The following DDHD1 variants were observed in gnomAD, a reference collection of about 807,000 sequenced individuals.
The protein encoded by DDHD1 is DDHD domain containing 1, also known as phospholipase DDHD1.
DDHD1 carries 49 observed loss-of-function variants against 96.4 expected under a neutral mutation model. The observed-to-expected ratio is 0.51, with a 90% CI of 0.40 to 0.64. The LOEUF (loss-of-function observed/expected upper bound fraction) is 0.64, where lower values mean the gene tolerates loss of function less well. DDHD1 is among the 30% of genes least tolerant of loss of function. DDHD1 has a pLI of 0.00. For missense variants in DDHD1, 1,106 were observed against 1,161.2 expected (o/e 0.95, Z 0.69); for synonymous variants, 442 against 446.5 (o/e 0.99, Z 0.13).
intron 1 of DDHD1, among the ~76,000 whole-genome samples, chr14:53,134,488 A>G (rs1463734551): frequency 4.6e-5 from 7 of 151,278 alleles, no homozygotes; most frequent in African/African-American, 7.3e-5. Context: ...CACACTATCA[A>G]TCTCACTCAC....
At chr14:53,080,972 T>C (rs926274978) in intron 4 of DDHD1, among the ~76,000 whole-genome samples, 3 of 152,330 alleles carry the variant, frequency 2.0e-5, no homozygotes, top group South Asian at 2.1e-4. Context: ...AATTTTTTTC[T>C]ATATGCAAAT....
chr14:53,095,884 A>C (rs551790662), intron 2 of DDHD1, among the ~76,000 whole-genome samples: 1 of 152,286 alleles, frequency 6.6e-6, no homozygotes, highest in Admixed American at 6.5e-5. Context: ...TTCCTCTTTA[A>C]ATCATCCATA....
Position 53,045,675 on chromosome 14 carries a change from T to C in DDHD1, c.*1093A>G, listed in dbSNP as rs954929268. The C allele has an allele frequency of 1.3e-5, 2 of 152,170 alleles. No individual in the cohort carries two copies. Among genetic ancestry groups the C allele is most frequent in the Non-Finnish European group, 2.9e-5 (2 of 68,020 alleles). 9.4% of individuals were successfully genotyped at this position (152,170 alleles called of 1,614,324 possible). On this transcript the variant is annotated 3_prime_UTR_variant, in exon 13 of 13. Coordinates refer to ENST00000673822, the MANE Select transcript of DDHD1 (RefSeq NM_001160148.2). ...GGGTTATTGAATGCACTCTTAAACT[T>C]TGAGCCCCTCAGATGAAAAGCACTG...
At chr14:53,058,942 G>A (rs1291841572) in intron 8 of DDHD1, among the ~76,000 whole-genome samples, 1 of 152,090 alleles carries the variant, frequency 6.6e-6, no homozygotes, top group Non-Finnish European at 1.5e-5. Flanking sequence ...AATACACTCG[G>A]TGCTGTGATA....
At chr14:53,124,467 A>G (rs771876555) in intron 1 of DDHD1, among the ~76,000 whole-genome samples, 8 of 152,172 alleles carry the variant, frequency 5.3e-5, no homozygotes, top group Non-Finnish European at 1.0e-4. Context: ...GTTGGATAGT[A>G]GTTAGCAATT....
chr14:53,092,862 G>GA (rs879666568), intron 3 of DDHD1: 105 of 142,468 alleles, frequency 7.4e-4, no homozygotes, highest in Non-Finnish European at 1.1e-3. Flanking sequence ...AATAAAAGAA[G>GA]AAAAAAAAAA....
intron 6 of DDHD1, among the ~76,000 whole-genome samples, chr14:53,066,900 G>C (rs1884067440): frequency 6.6e-6 from 1 of 151,060 alleles, no homozygotes; most frequent in African/African-American, 2.4e-5. Flanking sequence ...CCAGAAGACA[G>C]AGGCTGCAGT....
At chr14:53,103,073 A>T in intron 2 of DDHD1, 1 of 1,559,840 alleles carries the variant, frequency 6.4e-7, no homozygotes. Flanking sequence ...GGAACAATAG[A>T]AGTATTTTTA....
intron 12 of DDHD1, among the ~76,000 whole-genome samples, chr14:53,048,360 TG>T (rs1882218002): frequency 6.7e-6 from 1 of 148,758 alleles, no homozygotes; most frequent in Admixed American, 6.7e-5. Flanking sequence ...TTTTTTGAGA[TG>T]GAGTCTCACA....
rs143361240 is a variant in DDHD1, at chr14:53,113,482, C to G, written c.839-9626G>C. Among the ~76,000 whole-genome samples the G allele has an allele frequency of 2.6e-3, 385 of 150,380 alleles. 2 individuals carry two copies. Among genetic ancestry groups the G allele is most frequent in the African/African-American group, 9.1e-3 (373 of 40,796 alleles). ...CCAAGATGGCCGAATAGGAACAGCT[C>G]TGGTCTGCAGGTCCCAGTGAGACCA... On this transcript the variant is annotated intron_variant, in intron 1 of 12. Transcript: ENST00000673822.
intron 1 of DDHD1, among the ~76,000 whole-genome samples, chr14:53,127,274 C>A (rs932766218): frequency 6.6e-6 from 1 of 152,130 alleles, no homozygotes; most frequent in Non-Finnish European, 1.5e-5. Flanking sequence ...CTGCTCAAAT[C>A]GTGTAAACAG....
In DDHD1 at chr14:53,045,889, ATTTAC is replaced by A. The variant is rs1256401224; in HGVS notation, c.*874_*878del. ...GCTGTCATACTACCTATTCAAAAGCATTTACTAGTTTTCTAATAAAGCTAATGAAA... is the reference window on the plus strand; with the variant it reads ...GCTGTCATACTACCTATTCAAAAGCATAGTTTTCTAATAAAGCTAATGAAA... On this transcript the variant is annotated 3_prime_UTR_variant, in exon 13 of 13. Coordinates refer to ENST00000673822, the MANE Select transcript of DDHD1 (RefSeq NM_001160148.2). 5 of 152,226 alleles carry A rather than the reference ATTTAC, an allele frequency of 3.3e-5. No individual in the cohort carries two copies. Among genetic ancestry groups the A allele is most frequent in the Admixed American group, 6.5e-5 (1 of 15,284 alleles). The allele number at this position is 152,226 out of a possible 1,614,324, so 9.4% of individuals were successfully genotyped here.
chr14:53,043,825 C>G lies in DDHD1; in HGVS notation c.*2943G>C, dbSNP rs1055021522. 6.6e-6 allele frequency: 1 copy of G among 152,064 alleles called. No individual in the cohort carries two copies. The highest frequency in any genetic ancestry group is 2.4e-5 in the African/African-American group (1 of 41,412). 9.4% of individuals were successfully genotyped at this position (152,064 alleles called of 1,614,324 possible). A position where few individuals can be genotyped will look rare whatever the true frequency, so the allele number is the denominator to read the frequency against. On this transcript the variant is annotated 3_prime_UTR_variant, in exon 13 of 13. Transcript: ENST00000673822. ...AAGAAAGTATGAACTAACATAAGGCCTTAGCAAGACTAATTTTAAAGTAAA... is the reference window on the plus strand; with the variant it reads ...AAGAAAGTATGAACTAACATAAGGCGTTAGCAAGACTAATTTTAAAGTAAA...
chr14:53,104,097 A>G (rs1887513657), intron 1 of DDHD1, among the ~76,000 whole-genome samples: 1 of 152,166 alleles, frequency 6.6e-6, no homozygotes, highest in Admixed American at 6.6e-5. Flanking sequence ...CTTCCAGGCT[A>G]ATTTTTATAT....
At chr14:53,079,467 TGGAAAGTGATTACTA>T (rs1384996311) in intron 4 of DDHD1, among the ~76,000 whole-genome samples, 2 of 152,204 alleles carry the variant, frequency 1.3e-5, no homozygotes, top group Non-Finnish European at 2.9e-5. Flanking sequence ...GTGTCTGTCT[TGGAAAGTGATTACTA>T]AAACAGTTTT....
At chr14:53,078,358 C>T (rs1270609203) in intron 4 of DDHD1, among the ~76,000 whole-genome samples, 1 of 152,132 alleles carries the variant, frequency 6.6e-6, no homozygotes, top group Non-Finnish European at 1.5e-5. Flanking sequence ...CGTTCAAGGT[C>T]ACATCTAATA....
chr14:53,125,714 T>TA (rs1889372741), intron 1 of DDHD1, among the ~76,000 whole-genome samples: 1 of 151,916 alleles, frequency 6.6e-6, no homozygotes, highest in African/African-American at 2.4e-5. Flanking sequence ...TTTTTTTTTT[T>TA]TTTTTGAGAT....
intron 1 of DDHD1, among the ~76,000 whole-genome samples, chr14:53,134,135 C>T (rs190114763): frequency 2.3e-3 from 355 of 152,292 alleles, no homozygotes; most frequent in African/African-American, 6.3e-3. Context: ...CAGGGCTTTA[C>T]GCAGTCACTC....
intron 1 of DDHD1, among the ~76,000 whole-genome samples, chr14:53,117,372 G>C (rs1888628413): frequency 6.6e-6 from 1 of 152,172 alleles, no homozygotes; most frequent in Admixed American, 6.5e-5. Context: ...AAAGGGTCAG[G>C]GGATTTCCCT....
Sources: allele counts gnomAD v4.1 joint callset (sites outside exome capture counted in the v4.1 genomes callset), GRCh38; gene constraint gnomAD v4.1.1; transcripts MANE v1.5; gene names NCBI Gene and HGNC (gene_info 2026-07-23, HGNC 2026-07-21).